NPY: variants seen among roughly 807,000 people sequenced by gnomAD.
NPY encodes pro-neuropeptide Y.
A neutral mutation model predicts 13.2 loss-of-function variants in NPY; 11 were observed. The observed-to-expected ratio is 0.83, with a 90% CI of 0.52 to 1.38. The LOEUF is 1.38. Among genes scored for constraint, NPY ranks in the 40% most tolerant of loss-of-function variants. The pLI, the probability that NPY is intolerant of heterozygous loss-of-function variation, is 0.00. For missense variants in NPY, 109 were observed against 125.1 expected, an observed-to-expected ratio of 0.87 and a Z score of 0.61; for synonymous variants, 51 against 55.6, an observed-to-expected ratio of 0.92 and a Z score of 0.37.
In NPY at chr7:24,285,148, CAGG is replaced by C. The variant is rs1787313083; in HGVS notation, c.1-84_1-82del. 7.6e-7 allele frequency: 1 copy of C among 1,318,008 alleles called. No homozygotes were observed. Among genetic ancestry groups the C allele is most frequent in the South Asian group, 1.3e-5 (1 of 79,048 alleles). The allele number at this position is 1,318,008 out of a possible 1,614,324, so 81.6% of individuals were successfully genotyped here. A position where few individuals can be genotyped will look rare whatever the true frequency, so the allele number is the denominator to read the frequency against. On this transcript the variant is annotated intron_variant, in intron 1 of 3. Transcript: ENST00000242152. The surrounding 1 kb of genome is among the most constrained non-coding windows in gnomAD (Gnocchi z 4.9). ...GCGGATTGGGGGTCGCGTGTGGTAGCAGGAGGAGGAGCGCGGGGGGCAGAGGAG... is the reference window on the plus strand; with the variant it reads ...GCGGATTGGGGGTCGCGTGTGGTAGCAGGAGGAGCGCGGGGGGCAGAGGAG...
intron 3 of NPY, among the ~76,000 whole-genome samples, chr7:24,290,937 G>A (rs991643270): frequency 2.0e-5 from 3 of 151,882 alleles, no homozygotes; most frequent in Non-Finnish European, 4.4e-5. Flanking sequence ...ATAATGCCTG[G>A]CCAGGGTTGT....
chr7:24,288,676 C>G (rs1463513932), intron 2 of NPY, among the ~76,000 whole-genome samples: 1 of 133,216 alleles, frequency 7.5e-6, no homozygotes, highest in South Asian at 2.6e-4. Flanking sequence ...CACCCATATC[C>G]TGCTACAGGA....
chr7:24,284,969 C>T (rs16143), intron 1 of NPY: 148,442 of 547,464 alleles, frequency 0.27, 21,115 homozygotes, highest in African/African-American at 0.39. Context: ...CCACCTTGCA[C>T]TCTCGCCGCG....
intron 3 of NPY, among the ~76,000 whole-genome samples, chr7:24,290,719 A>C (rs1334351521): frequency 6.6e-6 from 1 of 150,758 alleles, no homozygotes; most frequent in African/African-American, 2.4e-5. Flanking sequence ...AATGCAAGGG[A>C]AACAGGCAGA....
intron 3 of NPY, among the ~76,000 whole-genome samples, chr7:24,290,534 GCCAC>G: frequency 6.6e-6 from 1 of 152,016 alleles, no homozygotes; most frequent in African/African-American, 2.4e-5. Context: ...GACCCGCTGG[GCCAC>G]CCACCTTCCC....
At position 24,291,753 on chromosome 7, in the gene NPY, G is replaced by C. The variant is rs1357620478; in HGVS notation, c.*66G>C. 1.9e-6 allele frequency: 3 copies of C among 1,584,910 alleles called. No homozygotes were observed. Among genetic ancestry groups the C allele is most frequent in the Non-Finnish European group, 2.6e-6 (3 of 1,154,408 alleles). ...GCCCATATTTCATCGTGTAAAACGA[G>C]AATCCACCCATCCTACCAATGCATG... On this transcript the variant is annotated 3_prime_UTR_variant, in exon 4 of 4. Coordinates refer to ENST00000242152, the MANE Select transcript of NPY (RefSeq NM_000905.4).
Position 24,291,745 on chromosome 7 carries a change from T to A in NPY, c.*58T>A. 6.2e-7 allele frequency: 1 copy of A among 1,604,468 alleles called. No homozygotes were observed. Among genetic ancestry groups the A allele is most frequent in the Non-Finnish European group, 8.5e-7 (1 of 1,171,708 alleles). On this transcript the variant is annotated 3_prime_UTR_variant, in exon 4 of 4. Transcript: ENST00000242152. ...TATTTTCAGCCCATATTTCATCGTG[T>A]AAAACGAGAATCCACCCATCCTACC...
rs368564938 is a variant in NPY at position 24,287,582 on chromosome 7, T to C, written c.189-1917T>C. On this transcript the variant is annotated intron_variant, in intron 2 of 3. Transcript: ENST00000242152. ...GTGGGTCTCCTACAATTTATTTATATAGCCCCCTAAATCAGTGGTTCTCAA... is the reference window on the plus strand; with the variant it reads ...GTGGGTCTCCTACAATTTATTTATACAGCCCCCTAAATCAGTGGTTCTCAA... 2.6e-4 allele frequency among the ~76,000 whole-genome samples: 39 copies of C among 152,090 alleles called. 5 individuals are homozygous for C. Among genetic ancestry groups the C allele is most frequent in the Admixed American group, 2.3e-3 (35 of 15,260 alleles).
chr7:24,291,528 T>C, intron 3 of NPY, 135 bp from the exon 4 acceptor site: 1 of 956,522 alleles, frequency 1.0e-6, no homozygotes, highest in Non-Finnish European at 1.6e-6. Flanking sequence ...CATGGCTTCT[T>C]ATTTAGAATG....
intron 2 of NPY, 49 bp from the exon 3 acceptor site, chr7:24,289,450 G>A: frequency 7.4e-7 from 1 of 1,347,682 alleles, no homozygotes; most frequent in East Asian, 2.3e-5. Flanking sequence ...TTTCCTAAAG[G>A]TTTTTATGCC....
At position 24,285,320 on chromosome 7, in the gene NPY, A is replaced by T; in HGVS notation, c.80A>T (p.Glu27Val). 1 of 1,613,946 alleles carries T rather than the reference A, an allele frequency of 6.2e-7. No individual in the cohort carries two copies. The highest frequency in any genetic ancestry group is 8.5e-7 in the Non-Finnish European group (1 of 1,179,986). ...SLLVCLGALA[E>V]AYPSKPDNPG... Reference sequence around the variant, plus strand: ...CTCGTGTGCCTGGGTGCGCTGGCCGAGGCGTACCCCTCCAAGCCGGACAAC... The same window carrying T: ...CTCGTGTGCCTGGGTGCGCTGGCCGTGGCGTACCCCTCCAAGCCGGACAAC... The change falls in exon 2 of 4, where the codon GAG (glutamate) becomes GTG (valine). Residue 27 changes from glutamate (E) to valine (V), a missense_variant. Transcript: ENST00000242152. This position sits in a 1 kb window ranked among gnomAD's most constrained non-coding sequence, Gnocchi z 4.9.
intron 2 of NPY, among the ~76,000 whole-genome samples, chr7:24,288,301 A>G (rs16135): frequency 0.9 from 137,222 of 152,254 alleles, 62,170 homozygotes; most frequent in Middle Eastern, 0.96. Context: ...AATCTTTGAG[A>G]AAATCTCACA....
chr7:24,291,729 C>A lies in NPY; in HGVS notation c.*42C>A. 6.2e-7 allele frequency: 1 copy of A among 1,612,254 alleles called. No homozygotes were observed. Among genetic ancestry groups the A allele is most frequent in the Non-Finnish European group, 8.5e-7 (1 of 1,178,408 alleles). On this transcript the variant is annotated 3_prime_UTR_variant, in exon 4 of 4. Coordinates refer to ENST00000242152, the MANE Select transcript of NPY (RefSeq NM_000905.4). ...CTCTCTGGCCTTTTCCTATTTTCAG[C>A]CCATATTTCATCGTGTAAAACGAGA... is the stretch of plus-strand genomic sequence containing the variant.
At position 24,285,070 on chromosome 7, in the gene NPY, C is replaced by A; in HGVS notation, c.1-171C>A. Reference sequence around the variant, plus strand: ...GTCCCGACCGGACGGCGCCCGGAGCCCGCAAGGTGGTGCTAGCCACTCCTG... The same window carrying A: ...GTCCCGACCGGACGGCGCCCGGAGCACGCAAGGTGGTGCTAGCCACTCCTG... On this transcript the variant is annotated intron_variant, in intron 1 of 3. Transcript: ENST00000242152. The surrounding 1 kb of genome is among the most constrained non-coding windows in gnomAD (Gnocchi z 4.9). The A allele has an allele frequency of 1.5e-6, 1 of 681,806 alleles. No individual in the cohort carries two copies. The highest frequency in any genetic ancestry group is 2.5e-6 in the Non-Finnish European group (1 of 403,542). The allele number at this position is 681,806 out of a possible 1,614,324, so 42.2% of individuals were successfully genotyped here. A position where few individuals can be genotyped will look rare whatever the true frequency, so the allele number is the denominator to read the frequency against.
At chr7:24,291,386 G>A (rs976975696) in intron 3 of NPY, among the ~76,000 whole-genome samples, 20 of 152,080 alleles carry the variant, frequency 1.3e-4, no homozygotes, top group African/African-American at 3.9e-4. Flanking sequence ...GGTGTTCTTC[G>A]GCTCCTTTGA....
chr7:24,291,503 C>T (rs1259105358), intron 3 of NPY, among the ~76,000 whole-genome samples, 160 bp from the exon 4 acceptor site: 5 of 152,214 alleles, frequency 3.3e-5, no homozygotes, highest in South Asian at 2.1e-4. Flanking sequence ...CTCCGCCTCA[C>T]GATCTGATAT....
chr7:24,285,459 G>C lies in NPY; in HGVS notation c.188+31G>C. ...TGGGACCGCGGGACCGATTCCGGGA[G>C]CGCCAGTGCCTGCACACCAGGAGAT... On this transcript the variant is annotated intron_variant, in intron 2 of 3. Coordinates refer to ENST00000242152, the MANE Select transcript of NPY (RefSeq NM_000905.4). The surrounding 1 kb of genome is among the most constrained non-coding windows in gnomAD (Gnocchi z 4.9). 1 of 1,598,828 alleles carries C rather than the reference G, an allele frequency of 6.3e-7. No individual in the cohort carries two copies. The highest frequency in any genetic ancestry group is 1.3e-5 in the African/African-American group (1 of 74,798).
In NPY at chr7:24,285,249, T is replaced by C; in HGVS notation, c.9T>C (p.Gly3=). The change falls in exon 2 of 4, where the codon GGT becomes GGC. Residue 3 remains glycine (G), a synonymous_variant. Transcript: ENST00000242152. This position sits in a 1 kb window ranked among gnomAD's most constrained non-coding sequence, Gnocchi z 4.9. ...GCCTTCTGTGCCTGCAGATGCTAGG[T>C]AACAAGCGACTGGGGCTGTCCGGAC... ML[G]NKRLGLSGLT... 1 of 1,613,944 alleles carries C rather than the reference T, an allele frequency of 6.2e-7. No homozygotes were observed. The highest frequency in any genetic ancestry group is 1.1e-5 in the South Asian group (1 of 91,064).
intron 3 of NPY, 75 bp downstream of exon 3, chr7:24,289,654 C>G: frequency 8.4e-7 from 1 of 1,183,828 alleles, no homozygotes; most frequent in Non-Finnish European, 1.2e-6. Flanking sequence ...GAGACAGGTG[C>G]CTGGTGGGAG....
Sources: allele counts gnomAD v4.1 joint callset (sites outside exome capture counted in the v4.1 genomes callset), GRCh38; gene constraint gnomAD v4.1.1; non-coding constraint Gnocchi (gnomAD v3.1); transcripts MANE v1.5; gene names NCBI Gene and HGNC (gene_info 2026-07-23, HGNC 2026-07-21).